Variants in CNN3 observed in about 807,000 individuals in gnomAD.
The protein encoded by CNN3 is calponin-3.
Under a neutral mutation model 39.0 loss-of-function variants are expected in CNN3, and 11 were observed. That is an observed-to-expected ratio of 0.28 (90% CI 0.18 to 0.47). The LOEUF is 0.47. CNN3 is among the 20% of genes least tolerant of loss of function. CNN3 has a pLI of 0.99. For synonymous variants in CNN3, 101 were observed against 138.3 expected (o/e 0.73, Z 1.89); for missense variants, 266 against 403.4 (o/e 0.66, Z 2.92).
intron 1 of CNN3, among the ~76,000 whole-genome samples, chr1:94,922,841 A>G (rs1207081021): frequency 6.6e-6 from 1 of 152,232 alleles, no homozygotes. Context: ...AAGCCTTTCA[A>G]GAAGGTTTTT....
At position 94,927,108 on chromosome 1, in the gene CNN3, G is replaced by A. The variant is rs1336154906; in HGVS notation, c.-214C>T. 5 of 477,482 alleles carry A rather than the reference G, an allele frequency of 1.0e-5. No individual in the cohort carries two copies. Among genetic ancestry groups the A allele is most frequent in the Non-Finnish European group, 1.8e-5 (5 of 273,442 alleles). 29.6% of individuals were successfully genotyped at this position (477,482 alleles called of 1,614,324 possible). A position where few individuals can be genotyped will look rare whatever the true frequency, so the allele number is the denominator to read the frequency against. ...CTCGAGCTCCGCTGCGAAGCACCCG[G>A]CTGCCTCGCTCGCCGCCCGCACCTC... On this transcript the variant is annotated 5_prime_UTR_variant, in exon 1 of 7. Transcript: ENST00000370206.
chr1:94,900,411 AC>A (rs963520895), intron 5 of CNN3, among the ~76,000 whole-genome samples: 3 of 152,238 alleles, frequency 2.0e-5, no homozygotes, highest in Non-Finnish European at 4.4e-5. Flanking sequence ...ATATACAAAT[AC>A]ATACAAAAAC....
intron 1 of CNN3, among the ~76,000 whole-genome samples, chr1:94,923,887 C>A (rs754632668): frequency 7.9e-5 from 12 of 152,092 alleles, no homozygotes; most frequent in African/African-American, 2.4e-5. Flanking sequence ...CTATTGTTTT[C>A]CCCCATTCTA....
rs1299516787 is a variant in CNN3, at chr1:94,915,394, T to C, written c.57+11444A>G. 2.0e-5 allele frequency among the ~76,000 whole-genome samples: 3 copies of C among 152,214 alleles called. No homozygotes were observed. The East Asian group carries it at 5.8e-4, about 29-fold the overall frequency. On this transcript the variant is annotated intron_variant, in intron 1 of 6. Transcript: ENST00000370206. ...GATTCAGAGTTCCTCTAAAAGAAAG[T>C]CAGCCTGAACATGGTTTCCCCTTTC...
chr1:94,908,972 G>A (rs926970709), intron 1 of CNN3, among the ~76,000 whole-genome samples: 20 of 112,984 alleles, frequency 1.8e-4, no homozygotes, highest in African/African-American at 4.7e-4. Context: ...TAGGGAGCCC[G>A]TCTCTTTAAA....
intron 1 of CNN3, among the ~76,000 whole-genome samples, chr1:94,922,715 C>G (rs1449814707): frequency 6.6e-6 from 1 of 152,188 alleles, no homozygotes; most frequent in Non-Finnish European, 1.5e-5. Context: ...ACCCTCAGAG[C>G]AGCTGTGCGT....
intron 1 of CNN3, among the ~76,000 whole-genome samples, chr1:94,914,447 G>A (rs1276333775): frequency 6.6e-6 from 1 of 152,112 alleles, no homozygotes; most frequent in Non-Finnish European, 1.5e-5. Flanking sequence ...CCAGCCTGGG[G>A]AACCCTCATC....
chr1:94,916,577 G>T (rs1671283441), intron 1 of CNN3, among the ~76,000 whole-genome samples: 1 of 152,164 alleles, frequency 6.6e-6, no homozygotes, highest in South Asian at 2.1e-4. Flanking sequence ...CTTGTTAAAG[G>T]ACTTTATCCT....
intron 1 of CNN3, among the ~76,000 whole-genome samples, chr1:94,903,725 C>T (rs1670929552): frequency 6.6e-6 from 1 of 152,034 alleles, no homozygotes; most frequent in African/African-American, 2.4e-5. Flanking sequence ...CCGTGTCATA[C>T]AAAATTTTGA....
intron 1 of CNN3, among the ~76,000 whole-genome samples, chr1:94,910,198 T>C (rs1671122305): frequency 6.6e-6 from 1 of 152,216 alleles, no homozygotes; most frequent in Non-Finnish European, 1.5e-5. Context: ...GTTTTTCAAG[T>C]GTTCCGTGTG....
At chr1:94,901,166 C>T (rs1670852846) in intron 5 of CNN3, among the ~76,000 whole-genome samples, 1 of 151,958 alleles carries the variant, frequency 6.6e-6, no homozygotes, top group African/African-American at 2.4e-5. Flanking sequence ...CCAGCCTGGC[C>T]AACATGGTGA....
intron 1 of CNN3, among the ~76,000 whole-genome samples, chr1:94,907,720 T>A (rs534755520): frequency 5.9e-5 from 9 of 151,956 alleles, no homozygotes; most frequent in Admixed American, 2.6e-4. Context: ...ATTAGACGGG[T>A]GTGGTGGCGG....
chr1:94,920,204 G>A (rs1225714578), intron 1 of CNN3, among the ~76,000 whole-genome samples: 1 of 152,232 alleles, frequency 6.6e-6, no homozygotes, highest in African/African-American at 2.4e-5. Flanking sequence ...GAATGGTGCA[G>A]ATCTACAGAC....
chr1:94,910,923 C>CCTTCA (rs1671144770), intron 1 of CNN3, among the ~76,000 whole-genome samples: 1 of 152,208 alleles, frequency 6.6e-6, no homozygotes, highest in African/African-American at 2.4e-5. Flanking sequence ...GGGATGCCAG[C>CCTTCA]CTTCACCACT....
Position 94,906,798 on chromosome 1 carries a change from T to C in CNN3, c.58-3274A>G, listed in dbSNP as rs149076243. 2.7e-3 allele frequency among the ~76,000 whole-genome samples: 408 copies of C among 152,370 alleles called. 3 individuals are homozygous for C. Among genetic ancestry groups the C allele is most frequent in the African/African-American group, 9.4e-3 (391 of 41,588 alleles). ...TTTGGGATATTTCACAGGATGGTGA[T>C]GGTAATTCTCATACCAAATGACATC... On this transcript the variant is annotated intron_variant, in intron 1 of 6. Coordinates refer to ENST00000370206, the MANE Select transcript of CNN3 (RefSeq NM_001839.5).
rs1197086045 is a variant in CNN3 at position 94,901,761 on chromosome 1, T to C, written c.409A>G (p.Thr137Ala). The C allele has an allele frequency of 1.9e-6, 3 of 1,613,784 alleles. No individual in the cohort carries two copies. Among genetic ancestry groups the C allele is most frequent in the South Asian group, 2.2e-5 (2 of 91,034 alleles). The change falls in exon 5 of 7, where the codon ACC (threonine) becomes GCC (alanine). Residue 137 changes from threonine (T) to alanine (A), a missense_variant. Thr to Ala is a moderately conservative substitution (Grantham distance 58). Coordinates refer to ENST00000370206, the MANE Select transcript of CNN3 (RefSeq NM_001839.5). ...GCATACTTAACTCCAATGTCAATGG[T>C]TGTATGGAATCCTTTTGTTTTAGCC... ...GLAKTKGFHT[T>A]IDIGVKYAEK...
intron 1 of CNN3, among the ~76,000 whole-genome samples, chr1:94,921,628 C>T (rs992171305): frequency 2.3e-5 from 1 of 43,614 alleles, no homozygotes; most frequent in Non-Finnish European, 6.5e-5. Context: ...AAAGCCTATA[C>T]CTCTGTTGAT....
At chr1:94,901,162 T>C (rs1670852737) in intron 5 of CNN3, among the ~76,000 whole-genome samples, 2 of 152,074 alleles carry the variant, frequency 1.3e-5, no homozygotes, top group African/African-American at 4.8e-5. Flanking sequence ...AAGACCAGCC[T>C]GGCCAACATG....
chr1:94,899,256 A>G (rs1386172415), intron 6 of CNN3, 115 bp downstream of exon 6: 9 of 1,133,196 alleles, frequency 7.9e-6, no homozygotes, highest in African/African-American at 1.6e-5. Context: ...CAAAGTCCAC[A>G]TTCCTGAAGG....
Sources: allele counts gnomAD v4.1 joint callset (sites outside exome capture counted in the v4.1 genomes callset), GRCh38; gene constraint gnomAD v4.1.1; transcripts MANE v1.5; gene names NCBI Gene and HGNC (gene_info 2026-07-23, HGNC 2026-07-21).